The following GALNTL6 variants were observed in gnomAD, a reference collection of about 807,000 sequenced individuals.
GALNTL6 encodes polypeptide N-acetylgalactosaminyltransferase like 6, also known as polypeptide N-acetylgalactosaminyltransferase-like 6.
In GALNTL6, 46 loss-of-function variants were observed where a neutral mutation model predicts 73.7. The observed-to-expected ratio is 0.62, with a 90% CI of 0.49 to 0.80. The LOEUF is 0.80. Ranked by LOEUF, GALNTL6 falls within the 30% of genes least tolerant of loss-of-function variation. The pLI, the probability that GALNTL6 is intolerant of heterozygous loss-of-function variation, is 0.00. For missense variants in GALNTL6, 604 were observed against 755.0 expected (o/e 0.80, Z 2.34); for synonymous variants, 259 against 263.7 (o/e 0.98, Z 0.17).
chr4:172,100,708 G>A (rs766173544), intron 2 of GALNTL6, among the ~76,000 whole-genome samples: 32 of 152,244 alleles, frequency 2.1e-4, no homozygotes, highest in Non-Finnish European at 4.3e-4. Context: ...TTTTACAAAT[G>A]AGAAAATACA....
rs549058413 is a variant in GALNTL6, at chr4:172,321,408, A to T, written c.386+9656A>T. On this transcript the variant is annotated intron_variant, in intron 4 of 12. Coordinates refer to ENST00000506823, the MANE Select transcript of GALNTL6 (RefSeq NM_001034845.3). ...ACAAAAACTTATAAGCCATGCAAAG[A>T]AACAGTAAAGTGTGACCCCTCAGAA... is the stretch of plus-strand genomic sequence containing the variant. 5.3e-5 allele frequency among the ~76,000 whole-genome samples: 8 copies of T among 152,346 alleles called. No individual in the cohort carries two copies. In the South Asian group the frequency reaches 1.0e-3, roughly 20 times the overall value.
intron 7 of GALNTL6, among the ~76,000 whole-genome samples, chr4:172,815,114 C>T (rs1035685639): frequency 6.6e-6 from 1 of 152,090 alleles, no homozygotes; most frequent in Non-Finnish European, 1.5e-5. Context: ...CTGAAGGCAA[C>T]CATCTGAAAG....
intron 9 of GALNTL6, among the ~76,000 whole-genome samples, chr4:172,937,270 G>A (rs575603144): frequency 3.3e-5 from 5 of 151,880 alleles, no homozygotes; most frequent in South Asian, 2.1e-4. Context: ...TTAACATTTC[G>A]AATGCAAGGA....
chr4:172,017,661 A>G (rs954549706), intron 2 of GALNTL6, among the ~76,000 whole-genome samples: 1 of 152,088 alleles, frequency 6.6e-6, no homozygotes, highest in Non-Finnish European at 1.5e-5. Context: ...AAGGTCTGGA[A>G]CCCAAGGGCT....
chr4:171,982,810 C>T (rs1739945282), intron 2 of GALNTL6, among the ~76,000 whole-genome samples: 1 of 152,184 alleles, frequency 6.6e-6, no homozygotes, highest in Non-Finnish European at 1.5e-5. Context: ...ACCTCATACT[C>T]ACTATGCTAA....
chr4:172,951,986 C>G (rs764295121), intron 9 of GALNTL6, 51 bp from the exon 10 acceptor site: 2 of 1,465,118 alleles, frequency 1.4e-6, no homozygotes, highest in Admixed American at 4.0e-5. Context: ...CAAAAAACAC[C>G]TTTTGAATGA....
intron 5 of GALNTL6, among the ~76,000 whole-genome samples, chr4:172,445,838 G>T (rs1359317492): frequency 6.6e-6 from 1 of 151,936 alleles, no homozygotes; most frequent in Non-Finnish European, 1.5e-5. Context: ...TGTCAGAAAA[G>T]GTATAAAAAT....
At chr4:172,964,838 TA>T (rs572658419) in intron 10 of GALNTL6, among the ~76,000 whole-genome samples, 32 of 152,290 alleles carry the variant, frequency 2.1e-4, no homozygotes, top group African/African-American at 7.2e-4. Context: ...GATGCAGGAG[TA>T]AAAAGCAGGT....
chr4:172,823,428 G>A (rs564032816), intron 7 of GALNTL6, among the ~76,000 whole-genome samples: 1 of 152,308 alleles, frequency 6.6e-6, no homozygotes, highest in South Asian at 2.1e-4. Flanking sequence ...AGTCAGTGCT[G>A]TGTCACTAGC....
chr4:172,150,067 A>G (rs1734036899), intron 2 of GALNTL6, among the ~76,000 whole-genome samples: 1 of 151,886 alleles, frequency 6.6e-6, no homozygotes, highest in Non-Finnish European at 1.5e-5. Context: ...TCACCCCCAT[A>G]CCTTTACTGG....
intron 3 of GALNTL6, among the ~76,000 whole-genome samples, chr4:172,270,477 C>G (rs1407553812): frequency 6.6e-6 from 1 of 152,150 alleles, no homozygotes; most frequent in Non-Finnish European, 1.5e-5. Flanking sequence ...TACACCTCAT[C>G]TATCTTGGCT....
chr4:172,757,201 T>C (rs945505979), intron 5 of GALNTL6, among the ~76,000 whole-genome samples: 2 of 152,228 alleles, frequency 1.3e-5, no homozygotes, highest in East Asian at 3.8e-4. Flanking sequence ...TGTGGGCTAC[T>C]CTTCAGATAA....
intron 5 of GALNTL6, among the ~76,000 whole-genome samples, chr4:172,526,645 G>A (rs887443734): frequency 6.6e-6 from 1 of 152,074 alleles, no homozygotes; most frequent in Non-Finnish European, 1.5e-5. Flanking sequence ...AACTCCACAC[G>A]ATCATATGGT....
intron 5 of GALNTL6, among the ~76,000 whole-genome samples, chr4:172,641,798 C>A (rs1361389829): frequency 6.6e-6 from 1 of 151,924 alleles, no homozygotes; most frequent in African/African-American, 2.4e-5. Flanking sequence ...TGCTCTAGTG[C>A]AGGAATCTTT....
intron 5 of GALNTL6, among the ~76,000 whole-genome samples, chr4:172,463,460 C>T (rs1489170798): frequency 8.6e-5 from 13 of 151,916 alleles, no homozygotes; most frequent in African/African-American, 1.7e-4. Context: ...AAGTGAAATA[C>T]GCTTAGAATA....
chr4:172,717,730 A>G (rs1419936521), intron 5 of GALNTL6, among the ~76,000 whole-genome samples: 1 of 152,226 alleles, frequency 6.6e-6, no homozygotes, highest in Non-Finnish European at 1.5e-5. Flanking sequence ...CTAATGCCAT[A>G]AAGTGACTTA....
intron 7 of GALNTL6, 87 bp downstream of exon 7, chr4:172,813,810 T>G: frequency 4.9e-6 from 5 of 1,017,320 alleles, no homozygotes; most frequent in Non-Finnish European, 7.1e-6. Flanking sequence ...GACAATTATC[T>G]CTAACAAAAT....
intron 5 of GALNTL6, among the ~76,000 whole-genome samples, chr4:172,396,045 G>A (rs1171803426): frequency 6.6e-6 from 1 of 151,992 alleles, no homozygotes; most frequent in Non-Finnish European, 1.5e-5. Flanking sequence ...AAAAGTCATG[G>A]AAACACTCCA....
intron 2 of GALNTL6, among the ~76,000 whole-genome samples, chr4:172,220,280 A>G (rs1455690624): frequency 6.6e-6 from 1 of 151,748 alleles, no homozygotes; most frequent in Non-Finnish European, 1.5e-5. Context: ...TAGGTACTCA[A>G]TTAATATTGG....
Sources: allele counts gnomAD v4.1 joint callset (sites outside exome capture counted in the v4.1 genomes callset), GRCh38; gene constraint gnomAD v4.1.1; transcripts MANE v1.5; gene names NCBI Gene and HGNC (gene_info 2026-07-23, HGNC 2026-07-21).